PIK3C2G: variants seen among roughly 807,000 people sequenced by gnomAD.
The protein encoded by PIK3C2G is phosphatidylinositol-4-phosphate 3-kinase catalytic subunit type 2 gamma.
Under a neutral mutation model 181.1 loss-of-function variants are expected in PIK3C2G, and 168 were observed. That is an observed-to-expected ratio of 0.93 (90% CI 0.82 to 1.05). The LOEUF (loss-of-function observed/expected upper bound fraction) is 1.05, where lower values mean the gene tolerates loss of function less well. Among genes scored for constraint, PIK3C2G ranks in the 50% least tolerant of loss-of-function variants. The pLI is 0.00. For missense variants in PIK3C2G, 1,869 were observed against 1,732.8 expected (o/e 1.08, Z -1.40); for synonymous variants, 573 against 592.2 (o/e 0.97, Z 0.47).
intron 1 of PIK3C2G, among the ~76,000 whole-genome samples, chr12:18,267,906 C>T (rs553961007): frequency 1.3e-5 from 2 of 152,272 alleles, no homozygotes; most frequent in African/African-American, 2.4e-5. Flanking sequence ...ACCATAGATG[C>T]GACATTTTGC....
intron 4 of PIK3C2G, among the ~76,000 whole-genome samples, chr12:18,291,789 C>T (rs556700607): frequency 6.6e-6 from 1 of 151,366 alleles, no homozygotes; most frequent in Admixed American, 6.6e-5. Context: ...TCAAGGTTCT[C>T]AGCTAATGCA....
intron 26 of PIK3C2G, among the ~76,000 whole-genome samples, chr12:18,560,795 T>C (rs147097199): frequency 2.6e-5 from 4 of 152,248 alleles, no homozygotes; most frequent in African/African-American, 9.6e-5. Context: ...GAAAGGGCAC[T>C]ATTTAAAAAA....
At chr12:18,572,941 A>G (rs1946043642) in intron 29 of PIK3C2G, among the ~76,000 whole-genome samples, 1 of 152,060 alleles carries the variant, frequency 6.6e-6, no homozygotes, top group Non-Finnish European at 1.5e-5. Context: ...TTTTTATGTG[A>G]GTTCCCCATT....
At chr12:18,505,237 T>A (rs1164116105) in intron 23 of PIK3C2G, 55 bp from the exon 24 acceptor site, 1 of 1,410,940 alleles carries the variant, frequency 7.1e-7, no homozygotes, top group Admixed American at 2.2e-5. Context: ...CTGATGCTAA[T>A]GCATTTGCTC....
intron 6 of PIK3C2G, among the ~76,000 whole-genome samples, chr12:18,319,407 C>A (rs1951009372): frequency 6.6e-6 from 1 of 151,732 alleles, no homozygotes. Context: ...TAAGTGCACA[C>A]TATCTTTCAT....
intron 20 of PIK3C2G, 37 bp downstream of exon 20, chr12:18,491,595 C>A (rs767406108): frequency 1.7e-6 from 2 of 1,195,894 alleles, no homozygotes; most frequent in Non-Finnish European, 2.5e-6. Flanking sequence ...TGGAATATTT[C>A]TGTTTTGTAT....
upstream of PIK3C2G, among the ~76,000 whole-genome samples, chr12:18,247,391 C>G (rs939160163): frequency 2.0e-5 from 3 of 152,070 alleles, no homozygotes; most frequent in Non-Finnish European, 4.4e-5. Flanking sequence ...GTGCCAGAGA[C>G]ATTTAGGACA....
chr12:18,692,483 T>A, the PIK3C2G span, among the ~76,000 whole-genome samples: 1 of 152,044 alleles, frequency 6.6e-6, no homozygotes, highest in Middle Eastern at 3.2e-3. Context: ...TGGAAACAAA[T>A]CTTAGACAAC....
At chr12:18,342,112 G>A (rs544206188) in intron 9 of PIK3C2G, among the ~76,000 whole-genome samples, 89 of 152,098 alleles carry the variant, frequency 5.9e-4, no homozygotes, top group African/African-American at 2.0e-3. Flanking sequence ...TGGATGTCAC[G>A]GTGATTTTCT....
chr12:18,483,353 T>C (rs1231543471), intron 18 of PIK3C2G, among the ~76,000 whole-genome samples: 1 of 152,132 alleles, frequency 6.6e-6, no homozygotes, highest in African/African-American at 2.4e-5. Context: ...ACTCAGACAC[T>C]TGGCTAGACA....
rs181488203 is a variant in PIK3C2G, at chr12:18,345,029, C to T, written c.1430-1612C>T. 7.3e-4 allele frequency among the ~76,000 whole-genome samples: 111 copies of T among 152,208 alleles called. 3 individuals carry two copies. The East Asian group carries it at 9.7e-3, about 13-fold the overall frequency. ...ATGGCTAAGTTTTCCCCAAAATATA[C>T]GCTAAAGCTTAAATTAATAAATCAA... On this transcript the variant is annotated intron_variant, in intron 10 of 32. Transcript: ENST00000538779.
chr12:18,351,771 A>G (rs1940236663), intron 11 of PIK3C2G, among the ~76,000 whole-genome samples: 3 of 152,330 alleles, frequency 2.0e-5, no homozygotes, highest in South Asian at 2.1e-4. Flanking sequence ...ACTTAGTGCA[A>G]TGTAAACTAT....
At chr12:18,596,394 T>C (rs1293201471) in intron 30 of PIK3C2G, among the ~76,000 whole-genome samples, 1 of 152,106 alleles carries the variant, frequency 6.6e-6, no homozygotes, top group Non-Finnish European at 1.5e-5. Flanking sequence ...CTGGATTTTA[T>C]TTTAAGTGTA....
At chr12:18,642,256 G>A (rs1433557764) in intron 32 of PIK3C2G, among the ~76,000 whole-genome samples, 1 of 152,096 alleles carries the variant, frequency 6.6e-6, no homozygotes, top group African/African-American at 2.4e-5. Context: ...TTACATTTAA[G>A]TACATTACCC....
At chr12:18,589,719 C>G (rs913555540) in intron 29 of PIK3C2G, among the ~76,000 whole-genome samples, 1 of 152,010 alleles carries the variant, frequency 6.6e-6, no homozygotes, top group Non-Finnish European at 1.5e-5. Context: ...ATGGAGCACT[C>G]AGAGAATACA....
intron 11 of PIK3C2G, among the ~76,000 whole-genome samples, chr12:18,349,005 A>G (rs1482746618): frequency 2.0e-5 from 3 of 152,172 alleles, no homozygotes; most frequent in Non-Finnish European, 4.4e-5. Flanking sequence ...TGGGAGCCTC[A>G]ATTCCTTGCC....
chr12:18,700,300 T>C, the PIK3C2G span, among the ~76,000 whole-genome samples: 4 of 152,012 alleles, frequency 2.6e-5, no homozygotes, highest in Non-Finnish European at 4.4e-5. Flanking sequence ...TTCTATTACA[T>C]AGCGAACATT....
At chr12:18,713,108 T>G in the PIK3C2G span, 1 of 1,327,998 alleles carries the variant, frequency 7.5e-7, no homozygotes, top group African/African-American at 1.5e-5. Flanking sequence ...TCCATAAAAC[T>G]CTATAAAAAC....
rs571590468 is a variant in PIK3C2G at position 18,494,307 on chromosome 12, A to G, written c.2794-1755A>G. Among the ~76,000 whole-genome samples, 5 of 152,168 alleles carry G rather than the reference A, an allele frequency of 3.3e-5. No individual in the cohort carries two copies. The South Asian group carries it at 1.0e-3, about 32-fold the overall frequency. ...CCCTCAAAATCTTCAAGATCTAGTA[A>G]AACTCTGAAAATTTTTTTCTTAAAA... On this transcript the variant is annotated intron_variant, in intron 20 of 32. Coordinates refer to ENST00000538779, the MANE Select transcript of PIK3C2G (RefSeq NM_001288772.2).
Sources: gnomAD v4.1 joint callset for allele counts (sites outside exome capture counted in the v4.1 genomes callset) on GRCh38, gnomAD v4.1.1 for gene constraint, MANE v1.5 for transcripts, NCBI Gene and HGNC (gene_info 2026-07-23, HGNC 2026-07-21) for gene names.